Variants in ABLIM1 observed in about 807,000 individuals in gnomAD.
The protein encoded by ABLIM1 is actin-binding LIM protein 1.
Under a neutral mutation model 107.0 loss-of-function variants are expected in ABLIM1, and 40 were observed. That is an observed-to-expected ratio of 0.37 (90% CI 0.29 to 0.49). The LOEUF is 0.49. ABLIM1 is among the 20% of genes least tolerant of loss of function. The pLI is 0.97. For synonymous variants in ABLIM1, 357 were observed against 357.3 expected, an observed-to-expected ratio of 1.00 and a Z score of 0.01; for missense variants, 857 against 1,008.5, an observed-to-expected ratio of 0.85 and a Z score of 2.04.
intron 6 of ABLIM1, among the ~76,000 whole-genome samples, chr10:114,520,610 A>G (rs2136420048): frequency 6.6e-6 from 1 of 152,128 alleles, no homozygotes; most frequent in East Asian, 1.9e-4. Flanking sequence ...TTTACATAAG[A>G]AGAATGAGAG....
intron 1 of ABLIM1, among the ~76,000 whole-genome samples, chr10:114,609,270 T>G (rs1334404496): frequency 6.4e-4 from 98 of 152,320 alleles, no homozygotes; most frequent in Non-Finnish European, 2.9e-5. Context: ...TTCTGACCAC[T>G]TTCTGGTCTA....
chr10:114,657,298 T>A (rs185651081), intron 1 of ABLIM1, among the ~76,000 whole-genome samples: 2 of 152,250 alleles, frequency 1.3e-5, no homozygotes, highest in African/African-American at 4.8e-5. Flanking sequence ...GTGTGAGCAG[T>A]TGGGTAGGTA....
intron 1 of ABLIM1, among the ~76,000 whole-genome samples, chr10:114,735,519 G>C (rs1448207530): frequency 6.6e-6 from 1 of 152,208 alleles, no homozygotes; most frequent in Non-Finnish European, 1.5e-5. Flanking sequence ...CACCAGGCTG[G>C]AGTGCAGTGG....
chr10:114,660,737 G>A (rs1214482873), upstream of ABLIM1, among the ~76,000 whole-genome samples: 1 of 152,168 alleles, frequency 6.6e-6, no homozygotes, highest in African/African-American at 2.4e-5. Context: ...GTGCTTACAT[G>A]GTCTTTTTGT....
At chr10:114,462,661 G>A (rs530471639) in intron 12 of ABLIM1, among the ~76,000 whole-genome samples, 5 of 152,146 alleles carry the variant, frequency 3.3e-5, no homozygotes, top group African/African-American at 4.8e-5. Context: ...AAACACTGTC[G>A]TGTTTTGCTG....
chr10:114,451,818 T>C (rs1259568706), intron 13 of ABLIM1, 147 bp from the exon 14 acceptor site: 4 of 722,464 alleles, frequency 5.5e-6, no homozygotes, highest in Non-Finnish European at 9.4e-6. Flanking sequence ...ATTGAGTTTA[T>C]TGAAAGAAAA....
At chr10:114,439,766 T>C in intron 20 of ABLIM1, 1 of 412,944 alleles carries the variant, frequency 2.4e-6, no homozygotes, top group Non-Finnish European at 4.3e-6. Flanking sequence ...AGATTATAAT[T>C]AAAAGAAGAA....
At chr10:114,718,111 G>GGAAGGAAGGAAGAA (rs2081742151) in intron 1 of ABLIM1, among the ~76,000 whole-genome samples, 1 of 109,386 alleles carries the variant, frequency 9.1e-6, no homozygotes, top group Non-Finnish European at 2.0e-5. Flanking sequence ...AAAAGAAAAA[G>GGAAGGAAGGAAGAA]AAAGAAAGAA....
chr10:114,634,123 A>ATTTTTTTTTTTTTTTTTTT (rs1209219359), intron 1 of ABLIM1, among the ~76,000 whole-genome samples: 4 of 68,218 alleles, frequency 5.9e-5, no homozygotes, highest in African/African-American at 1.1e-4. Flanking sequence ...CATTAGCTCA[A>ATTTTTTTTTTTTTTTTTTT]TTTTTCTTTT....
chr10:114,575,553 T>C lies in ABLIM1; in HGVS notation c.426A>G (p.Gly142=), dbSNP rs141557677. 1.1e-5 allele frequency: 18 copies of C among 1,614,074 alleles called. No homozygotes were observed. The African/African-American group carries it at 2.4e-4, about 22-fold the overall frequency. The part of the protein sequence containing the change: ...LAQGGFFIKN[G]EYLCTLDYQR... ...GGTAGTCCAGGGTGCAGAGATACTC[T>C]CCGTTCTTTATGAAGAAGCCCCCTT... Residue 142 remains glycine (G), a synonymous_variant, in exon 3 of 23, where the codon GGA becomes GGG. Coordinates refer to ENST00000533213, the MANE Select transcript of ABLIM1 (RefSeq NM_002313.7).
chr10:114,795,696 C>G, the ABLIM1 span, among the ~76,000 whole-genome samples: 1 of 145,630 alleles, frequency 6.9e-6, no homozygotes, highest in Non-Finnish European at 1.5e-5. Flanking sequence ...GCAACAAGAG[C>G]GAGACTCCAT....
intron 1 of ABLIM1, among the ~76,000 whole-genome samples, chr10:114,746,574 C>G (rs111468640): frequency 0.026 from 3,986 of 152,194 alleles, 61 homozygotes; most frequent in Middle Eastern, 0.089. Flanking sequence ...TTTGACATAG[C>G]GATTTCAAAT....
chr10:114,632,979 A>G (rs1297630079), intron 1 of ABLIM1, among the ~76,000 whole-genome samples: 1 of 152,154 alleles, frequency 6.6e-6, no homozygotes, highest in African/African-American at 2.4e-5. Context: ...CTTCTGGTTC[A>G]CAAAGCCAAC....
intron 1 of ABLIM1, among the ~76,000 whole-genome samples, chr10:114,717,991 AAAGGAAGGAAGGAAGGAAGG>A (rs3061776): frequency 4.6e-5 from 4 of 86,858 alleles, no homozygotes; most frequent in Admixed American, 1.5e-4. Flanking sequence ...AGAAAGAAAG[AAAGGAAGGAAGGAAGGAAGG>A]AAGGAAGGAA....
chr10:114,521,387 T>A (rs773741587), intron 6 of ABLIM1, among the ~76,000 whole-genome samples: 1 of 152,252 alleles, frequency 6.6e-6, no homozygotes, highest in Non-Finnish European at 1.5e-5. Context: ...TGAAGTATGC[T>A]TATAAAGTGC....
chr10:114,679,650 A>G (rs1370455360), intron 1 of ABLIM1, among the ~76,000 whole-genome samples: 2 of 151,944 alleles, frequency 1.3e-5, no homozygotes, highest in African/African-American at 2.4e-5. Context: ...AAAAAAAAAA[A>G]AAAGAAATAT....
chr10:114,563,652 C>T (rs1999567), intron 4 of ABLIM1, among the ~76,000 whole-genome samples: 143,496 of 151,500 alleles, frequency 0.95, 68,000 homozygotes, highest in East Asian at 1. Flanking sequence ...CTGGTCAACA[C>T]AGTGAAACCC....
intron 4 of ABLIM1, among the ~76,000 whole-genome samples, chr10:114,570,031 T>C (rs1313070191): frequency 1.3e-5 from 2 of 152,242 alleles, no homozygotes; most frequent in Non-Finnish European, 1.5e-5. Context: ...TTGGAATCAC[T>C]ATTATAAATT....
intron 1 of ABLIM1, among the ~76,000 whole-genome samples, chr10:114,744,296 CT>C (rs749233865): frequency 6.6e-6 from 1 of 152,176 alleles, no homozygotes; most frequent in Non-Finnish European, 1.5e-5. Flanking sequence ...TCTTCTTCCC[CT>C]GATCAACCTC....
Sources: allele counts gnomAD v4.1 joint callset (sites outside exome capture counted in the v4.1 genomes callset), GRCh38; gene constraint gnomAD v4.1.1; transcripts MANE v1.5; gene names NCBI Gene and HGNC (gene_info 2026-07-23, HGNC 2026-07-21).